CDH12: variants seen among roughly 807,000 people sequenced by gnomAD.
The protein encoded by CDH12 is cadherin 12.
Under a neutral mutation model 74.1 loss-of-function variants are expected in CDH12, and 41 were observed. The observed-to-expected ratio is 0.55, with a 90% CI of 0.43 to 0.72. The LOEUF is 0.72. Among genes scored for constraint, CDH12 ranks in the 30% least tolerant of loss-of-function variants. The pLI is 0.00. For synonymous variants in CDH12, 399 were observed against 355.0 expected, an observed-to-expected ratio of 1.12 and a Z score of -1.39; for missense variants, 945 against 977.2, an observed-to-expected ratio of 0.97 and a Z score of 0.44.
chr5:22,098,281 A>C (rs577133017), intron 4 of CDH12, among the ~76,000 whole-genome samples: 71 of 152,172 alleles, frequency 4.7e-4, no homozygotes, highest in African/African-American at 1.7e-3. Flanking sequence ...GCATAATTCT[A>C]ATAAAAACAC....
intron 3 of CDH12, among the ~76,000 whole-genome samples, chr5:22,331,369 GA>G (rs2150445731): frequency 6.6e-6 from 1 of 152,314 alleles, no homozygotes; most frequent in East Asian, 1.9e-4. Flanking sequence ...GTTCAGCACA[GA>G]AAGAGAGACT....
chr5:22,490,830 G>T (rs1341862263), intron 2 of CDH12, among the ~76,000 whole-genome samples: 1 of 152,162 alleles, frequency 6.6e-6, no homozygotes, highest in Non-Finnish European at 1.5e-5. Context: ...CAGCCTTACA[G>T]GTTTTGAGAG....
intron 1 of CDH12, among the ~76,000 whole-genome samples, chr5:22,697,343 G>A (rs1179365724): frequency 6.6e-5 from 10 of 151,964 alleles, no homozygotes; most frequent in Admixed American, 4.6e-4. Flanking sequence ...AGGCCGAGGC[G>A]GGTGGATCAC....
At chr5:22,321,092 G>C (rs1193996707) in intron 3 of CDH12, among the ~76,000 whole-genome samples, 1 of 151,894 alleles carries the variant, frequency 6.6e-6, no homozygotes, top group Non-Finnish European at 1.5e-5. Flanking sequence ...TTAGTAAAAG[G>C]GTTGCACAAC....
chr5:22,213,930 T>G (rs1027618847), intron 3 of CDH12, among the ~76,000 whole-genome samples: 2 of 151,888 alleles, frequency 1.3e-5, no homozygotes, highest in African/African-American at 2.4e-5. Flanking sequence ...CGTGTGTGTG[T>G]GGGTGCGTGT....
chr5:22,427,972 AAAG>A (rs1431346072), intron 2 of CDH12, among the ~76,000 whole-genome samples: 5 of 152,214 alleles, frequency 3.3e-5, no homozygotes, highest in Non-Finnish European at 5.9e-5. Context: ...CTATAAAAGA[AAAG>A]AAGAACACAT....
chr5:21,854,835 T>A (rs1228727102), intron 6 of CDH12, 45 bp from the exon 7 acceptor site: 1 of 1,580,218 alleles, frequency 6.3e-7, no homozygotes, highest in East Asian at 2.3e-5. Flanking sequence ...GTTTTACTAC[T>A]TTCAAGGTCA....
chr5:22,616,441 C>T (rs905161845), intron 1 of CDH12, among the ~76,000 whole-genome samples: 4 of 151,956 alleles, frequency 2.6e-5, no homozygotes, highest in Non-Finnish European at 5.9e-5. Context: ...TATATGATTG[C>T]ATTTAAAATT....
At chr5:22,326,838 T>G (rs901177799) in intron 3 of CDH12, among the ~76,000 whole-genome samples, 8 of 152,100 alleles carry the variant, frequency 5.3e-5, no homozygotes, top group Non-Finnish European at 1.2e-4. Flanking sequence ...CAAAAGGCAG[T>G]GTTGTATATG....
chr5:21,822,440 G>A (rs552240557), intron 8 of CDH12, among the ~76,000 whole-genome samples: 2 of 151,788 alleles, frequency 1.3e-5, no homozygotes, highest in Non-Finnish European at 2.9e-5. Context: ...GAAAAAAAAT[G>A]TTTTGGTGGT....
At chr5:22,200,690 A>C (rs1750879366) in intron 4 of CDH12, among the ~76,000 whole-genome samples, 1 of 152,186 alleles carries the variant, frequency 6.6e-6, no homozygotes, top group African/African-American at 2.4e-5. Flanking sequence ...TAGGGAAGCA[A>C]AATTCTTTTC....
At chr5:22,690,808 T>G (rs1015987362) in intron 1 of CDH12, among the ~76,000 whole-genome samples, 1 of 152,186 alleles carries the variant, frequency 6.6e-6, no homozygotes, top group Non-Finnish European at 1.5e-5. Context: ...TTAATCATTC[T>G]CATTATTTAA....
At chr5:22,330,087 A>T (rs1739283585) in intron 3 of CDH12, among the ~76,000 whole-genome samples, 1 of 152,114 alleles carries the variant, frequency 6.6e-6, no homozygotes, top group Non-Finnish European at 1.5e-5. Context: ...CATCAAAGAG[A>T]CTGACTCCTT....
At chr5:21,872,300 T>C (rs762666350) in intron 6 of CDH12, among the ~76,000 whole-genome samples, 11 of 152,204 alleles carry the variant, frequency 7.2e-5, no homozygotes, top group Admixed American at 3.9e-4. Flanking sequence ...TTTCAGACTA[T>C]ACATATTTAC....
At chr5:22,573,812 G>A (rs1739649178) in intron 1 of CDH12, among the ~76,000 whole-genome samples, 3 of 152,056 alleles carry the variant, frequency 2.0e-5, no homozygotes, top group Admixed American at 2.0e-4. Flanking sequence ...TCCACAATAT[G>A]AAATTGATAT....
chr5:21,936,124 G>A (rs1219002724), intron 6 of CDH12, among the ~76,000 whole-genome samples: 2 of 152,044 alleles, frequency 1.3e-5, no homozygotes. Flanking sequence ...TGGGATTGCT[G>A]GATCATATGA....
intron 4 of CDH12, among the ~76,000 whole-genome samples, chr5:22,173,107 T>TA (rs1265936146): frequency 6.6e-6 from 1 of 151,334 alleles, no homozygotes; most frequent in African/African-American, 2.4e-5. Flanking sequence ...TCCTCCGTAA[T>TA]ACATCATTTA....
intron 10 of CDH12, among the ~76,000 whole-genome samples, chr5:21,790,084 G>C (rs755458212): frequency 6.6e-6 from 1 of 152,060 alleles, no homozygotes; most frequent in African/African-American, 2.4e-5. Flanking sequence ...TACAGTGAGT[G>C]TCTTTAGGCC....
intron 1 of CDH12, among the ~76,000 whole-genome samples, chr5:22,596,472 C>T (rs1452058006): frequency 2.6e-5 from 4 of 152,058 alleles, no homozygotes; most frequent in African/African-American, 9.7e-5. Context: ...CAAAAACAAT[C>T]TGTCTCAGTA....
Sources: gnomAD v4.1 joint callset for allele counts (sites outside exome capture counted in the v4.1 genomes callset) on GRCh38, gnomAD v4.1.1 for gene constraint, MANE v1.5 for transcripts, NCBI Gene and HGNC (gene_info 2026-07-23, HGNC 2026-07-21) for gene names.